The following TRIM2 variants were observed in gnomAD, a reference collection of about 807,000 sequenced individuals.
TRIM2 encodes tripartite motif-containing protein 2.
A neutral mutation model predicts 75.2 loss-of-function variants in TRIM2; 20 were observed. That is an observed-to-expected ratio of 0.27 (90% confidence interval 0.19 to 0.39). The LOEUF (loss-of-function observed/expected upper bound fraction) is 0.39, where lower values mean the gene tolerates loss of function less well. TRIM2 is among the 10% of genes least tolerant of loss of function. The pLI is 1.00. For synonymous variants in TRIM2, 373 were observed against 388.3 expected (o/e 0.96, Z 0.46); for missense variants, 660 against 990.8 (o/e 0.67, Z 4.48).
intron 1 of TRIM2, among the ~76,000 whole-genome samples, chr4:153,159,266 C>G (rs1427381366): frequency 7.2e-6 from 1 of 139,294 alleles, no homozygotes; most frequent in Non-Finnish European, 1.6e-5. Flanking sequence ...TACCACTTTA[C>G]ATTAGAAGTT....
rs142344171 is a variant in TRIM2, at chr4:153,190,499, G to C, written c.-49+37229G>C. 1.2e-3 allele frequency among the ~76,000 whole-genome samples: 173 copies of C among 147,832 alleles called. 1 individual carries two copies. Among genetic ancestry groups the C allele is most frequent in the African/African-American group, 4.3e-3 (169 of 39,534 alleles). On this transcript the variant is annotated intron_variant, in intron 1 of 11. Transcript: ENST00000437508. ...CCAGTTTACATATGAAGAAGTTGAG[G>C]CTTAAAGATTTTTTTTTAAAGCAGC...
Position 153,322,637 on chromosome 4 carries a change from G to T in TRIM2, c.1783-11G>T. ...ATACTGTACTTCTATTTCTGTACTT[G>T]TTTCAAACAGACAAAAATTGGATCA... On this transcript the variant is annotated splice_polypyrimidine_tract_variant and intron_variant, in intron 8 of 11. Transcript: ENST00000338700. 6.2e-7 allele frequency: 1 copy of T among 1,612,774 alleles called. No individual in the cohort carries two copies. The highest frequency in any genetic ancestry group is 8.5e-7 in the Non-Finnish European group (1 of 1,179,042).
chr4:153,203,103 CAAAAAAAA>C (rs200371158), upstream of TRIM2, among the ~76,000 whole-genome samples: 304 of 87,344 alleles, frequency 3.5e-3, 3 homozygotes, highest in East Asian at 3.3e-3. Flanking sequence ...GACTCCATCT[CAAAAAAAA>C]AAAAAAAAAA....
At chr4:153,243,820 C>T (rs535807287) in intron 1 of TRIM2, among the ~76,000 whole-genome samples, 24,202 of 87,422 alleles carry the variant, frequency 0.28, 2,476 homozygotes, top group African/African-American at 0.43. Flanking sequence ...TTTTTTTTTC[C>T]CCCCCCCCTT....
intron 1 of TRIM2, among the ~76,000 whole-genome samples, chr4:153,264,579 A>G (rs1754428674): frequency 2.0e-5 from 3 of 152,252 alleles, no homozygotes; most frequent in Admixed American, 2.0e-4. Flanking sequence ...AAGCATGTAT[A>G]TAAAACATTT....
At chr4:153,191,644 G>A (rs2149660604) in intron 1 of TRIM2, among the ~76,000 whole-genome samples, 1 of 152,252 alleles carries the variant, frequency 6.6e-6, no homozygotes, top group South Asian at 2.1e-4. Flanking sequence ...CTATTGTTTG[G>A]TACTTCTTAT....
intron 1 of TRIM2, among the ~76,000 whole-genome samples, chr4:153,225,897 T>C (rs899759922): frequency 1.3e-5 from 2 of 152,360 alleles, no homozygotes; most frequent in Non-Finnish European, 2.9e-5. Flanking sequence ...TTAATTTTTT[T>C]AGAGACTTTG....
chr4:153,316,629 T>C (rs550075917), intron 8 of TRIM2, among the ~76,000 whole-genome samples: 2 of 152,130 alleles, frequency 1.3e-5, no homozygotes, highest in South Asian at 2.1e-4. Flanking sequence ...GAGCTACACT[T>C]TGAGGGATCC....
chr4:153,233,411 ATTACT>A (rs754436509), intron 1 of TRIM2, among the ~76,000 whole-genome samples: 7 of 152,160 alleles, frequency 4.6e-5, no homozygotes, highest in Admixed American at 6.5e-5. Context: ...TGAGATATTG[ATTACT>A]TTACTTACAG....
At chr4:153,241,725 G>A (rs909531223) in intron 1 of TRIM2, among the ~76,000 whole-genome samples, 1 of 152,152 alleles carries the variant, frequency 6.6e-6, no homozygotes, top group Non-Finnish European at 1.5e-5. Flanking sequence ...CTAAAACAAG[G>A]CGGCCTCCTT....
intron 6 of TRIM2, chr4:153,308,696 C>T (rs909101275): frequency 1.8e-5 from 10 of 563,376 alleles, no homozygotes; most frequent in Admixed American, 1.7e-4. Context: ...GACCCAAATG[C>T]ACTTGGGAGT....
At chr4:153,247,442 G>A (rs370435779) in intron 1 of TRIM2, among the ~76,000 whole-genome samples, 28 of 152,270 alleles carry the variant, frequency 1.8e-4, no homozygotes, top group South Asian at 1.5e-3. Flanking sequence ...TCGGGAGGCC[G>A]AGGCAGGCAG....
Position 153,337,673 on chromosome 4 carries a change from T to C in TRIM2, c.*2707T>C, listed in dbSNP as rs544767811. 2.0e-6 allele frequency: 2 copies of C among 985,890 alleles called. No homozygotes were observed. Among genetic ancestry groups the C allele is most frequent in the East Asian group, 1.1e-4 (1 of 8,824 alleles). The allele number at this position is 985,890 out of a possible 1,614,324, so 61.1% of individuals were successfully genotyped here. On this transcript the variant is annotated 3_prime_UTR_variant, in exon 12 of 12. Transcript: ENST00000338700. Reference sequence around the variant, plus strand: ...TTAAATGAAATTTTGTCACATTCTATGGAAAATGGTTTCTGGTAAACTGAG... The same window carrying C: ...TTAAATGAAATTTTGTCACATTCTACGGAAAATGGTTTCTGGTAAACTGAG...
intron 1 of TRIM2, among the ~76,000 whole-genome samples, chr4:153,239,856 A>T (rs1317855320): frequency 5.1e-5 from 6 of 117,522 alleles, no homozygotes; most frequent in African/African-American, 1.9e-4. Flanking sequence ...TTTTTTTGTA[A>T]GATGGAGTCT....
At chr4:153,225,656 C>T (rs1741912009) in intron 1 of TRIM2, among the ~76,000 whole-genome samples, 1 of 152,070 alleles carries the variant, frequency 6.6e-6, no homozygotes, top group Admixed American at 6.5e-5. Flanking sequence ...CAAGTGCAAC[C>T]TTTGAGATAA....
intron 11 of TRIM2, among the ~76,000 whole-genome samples, chr4:153,334,245 TCTC>T (rs1046909031): frequency 2.0e-5 from 3 of 151,998 alleles, no homozygotes; most frequent in African/African-American, 7.3e-5. Context: ...GGCATATTCT[TCTC>T]CACCACCTGG....
intron 6 of TRIM2, chr4:153,310,029 A>AG (rs1181997643): frequency 2.0e-5 from 3 of 152,088 alleles, no homozygotes; most frequent in African/African-American, 7.2e-5. Flanking sequence ...ATCTTCCTGG[A>AG]GGGGTAGGTG....
chr4:153,256,745 C>T (rs1301987340), intron 1 of TRIM2, among the ~76,000 whole-genome samples: 1 of 152,074 alleles, frequency 6.6e-6, no homozygotes, highest in Non-Finnish European at 1.5e-5. Context: ...TGGTTATCCC[C>T]GAATCAAAAT....
intron 1 of TRIM2, among the ~76,000 whole-genome samples, chr4:153,251,527 T>A (rs1270059256): frequency 1.3e-5 from 2 of 150,568 alleles, no homozygotes; most frequent in East Asian, 1.9e-4. Context: ...ATCTTTAAAA[T>A]TTTTTTCTAC....
Sources: gnomAD v4.1 joint callset for allele counts (sites outside exome capture counted in the v4.1 genomes callset) on GRCh38, gnomAD v4.1.1 for gene constraint, MANE v1.5 for transcripts, NCBI Gene and HGNC (gene_info 2026-07-23, HGNC 2026-07-21) for gene names.